Variants in WBP1 observed in about 807,000 individuals in gnomAD.
WBP1 encodes WW domain-binding protein 1.
WBP1 carries 18 observed loss-of-function variants against 25.6 expected under a neutral mutation model. The ratio of observed to expected loss-of-function variants is 0.70; its 90% confidence interval spans 0.49 to 1.04. The LOEUF (loss-of-function observed/expected upper bound fraction) is 1.04. WBP1 is among the 50% of genes least tolerant of loss of function. WBP1 has a pLI of 0.00. For synonymous variants in WBP1, 122 were observed against 137.7 expected (o/e 0.89, Z 0.80); for missense variants, 330 against 352.9 (o/e 0.94, Z 0.52).
intron 1 of WBP1, 32 bp from the exon 2 acceptor site, chr2:74,459,611 C>A: frequency 6.2e-7 from 1 of 1,606,222 alleles, no homozygotes; most frequent in Non-Finnish European, 8.5e-7. Context: ...GGCTGGAATC[C>A]CCCTTAGTTC....
rs376014615 is a variant in WBP1, at chr2:74,460,267, C to T, written c.396C>T (p.His132=). Residue 132 remains histidine (H), a synonymous_variant, in exon 4 of 4, where the codon CAC becomes CAT. Transcript: ENST00000233615. ...FKPPAYEDVV[H]RPGTPPPPYT... is the part of the protein sequence containing the mutation. ...CCCCAGCCTACGAGGATGTGGTTCA[C>T]CGCCCAGGCACACCACCCCCCCCTT... 5.0e-6 allele frequency: 8 copies of T among 1,613,780 alleles called. No homozygotes were observed. Among genetic ancestry groups the T allele is most frequent in the Non-Finnish European group, 6.8e-6 (8 of 1,179,748 alleles).
intron 1 of WBP1, 112 bp downstream of exon 1, chr2:74,458,783 A>C (rs1223653412): frequency 3.6e-5 from 55 of 1,520,332 alleles, no homozygotes; most frequent in Non-Finnish European, 4.9e-5. Context: ...GGTACTGTGA[A>C]GTTCCTAAAC....
rs1204968219 is a variant in WBP1 at position 74,458,580 on chromosome 2, C to T, written c.-23C>T. The stretch of plus-strand genomic sequence containing the variant: ...GCTGGCGGTAGAGGAGGCTGTGGTC[C>T]TCAGGGGGCTGTAGGTGGAGGTATG... On this transcript the variant is annotated 5_prime_UTR_variant, in exon 1 of 4. Coordinates refer to ENST00000233615, the MANE Select transcript of WBP1 (RefSeq NM_012477.4). The T allele has an allele frequency of 3.2e-6, 5 of 1,546,316 alleles. No homozygotes were observed. Among genetic ancestry groups the T allele is most frequent in the Non-Finnish European group, 3.5e-6 (4 of 1,143,058 alleles).
chr2:74,458,833 T>G, intron 1 of WBP1, 162 bp downstream of exon 1: 1 of 1,539,652 alleles, frequency 6.5e-7, no homozygotes, highest in Non-Finnish European at 8.8e-7. Context: ...GTAACGTAGA[T>G]GCAGCTGACT....
chr2:74,458,784 G>A, intron 1 of WBP1, 113 bp downstream of exon 1: 1 of 1,520,422 alleles, frequency 6.6e-7, no homozygotes, highest in Non-Finnish European at 8.9e-7. Flanking sequence ...GTACTGTGAA[G>A]TTCCTAAACA....
In WBP1 at chr2:74,458,459, G is replaced by A. The variant is rs1398724020; in HGVS notation, c.-144G>A. 3.4e-5 allele frequency: 49 copies of A among 1,454,184 alleles called. No homozygotes were observed. Among genetic ancestry groups the A allele is most frequent in the African/African-American group, 5.7e-5 (4 of 70,258 alleles). 90.1% of individuals were successfully genotyped at this position (1,454,184 alleles called of 1,614,324 possible). ...AGTCCTAGTTGGTGGAGTTCTGCCCGGATGGAAGCTCCGGCCGCGGAGTGA... is the reference window on the plus strand; with the variant it reads ...AGTCCTAGTTGGTGGAGTTCTGCCCAGATGGAAGCTCCGGCCGCGGAGTGA... On this transcript the variant is annotated 5_prime_UTR_variant, in exon 1 of 4. Coordinates refer to ENST00000233615, the MANE Select transcript of WBP1 (RefSeq NM_012477.4).
intron 3 of WBP1, 51 bp from the exon 4 acceptor site, chr2:74,460,170 A>G (rs1170393773): frequency 3.2e-6 from 5 of 1,569,120 alleles, no homozygotes; most frequent in Non-Finnish European, 3.5e-6. Flanking sequence ...AAAAACTAGC[A>G]CCCTATACCT....
At chr2:74,460,188 T>G in intron 3 of WBP1, 33 bp from the exon 4 acceptor site, 1 of 1,586,866 alleles carries the variant, frequency 6.3e-7, no homozygotes, top group South Asian at 1.1e-5. Flanking sequence ...CCTGGTTGTC[T>G]TCAACCAATC....
At chr2:74,458,812 G>C (rs982484782) in intron 1 of WBP1, 141 bp downstream of exon 1, 1 of 1,531,558 alleles carries the variant, frequency 6.5e-7, no homozygotes, top group Non-Finnish European at 8.8e-7. Context: ...TCCACTCTTT[G>C]TCTAAACTTT....
rs902788487 is a variant in WBP1, at chr2:74,458,666, C to T, written c.64C>T (p.Gln22Ter). Residue 22 changes from glutamine to a stop codon, truncating the protein, a stop_gained, in exon 1 of 4, where the codon CAG (glutamine) becomes TAG (stop). Transcript: ENST00000233615. LOFTEE classifies it high-confidence loss of function. ...CTGGGGGGCACTTCGGGCGCCGCAA[C>T]AGCAGGTATCCCAATAGCTCCAAAA... Reference protein sequence around the residue: ...EAWGALRAPQQQLRELCPGVN... With the variant: ...EAWGALRAPQ The T allele has an allele frequency of 1.9e-6, 3 of 1,573,334 alleles. No individual in the cohort carries two copies. The highest frequency in any genetic ancestry group is 1.7e-6 in the Non-Finnish European group (2 of 1,159,372).
At chr2:74,459,031 G>A in intron 1 of WBP1, 1 of 1,550,514 alleles carries the variant, frequency 6.4e-7, no homozygotes, top group Non-Finnish European at 8.7e-7. Context: ...GGAGCAATTT[G>A]GAGAAGAGCT....
Position 74,458,768 on chromosome 2 carries a change from C to G in WBP1, c.69+97C>G, listed in dbSNP as rs1292098956. The G allele has an allele frequency of 5.9e-6, 9 of 1,519,552 alleles. No homozygotes were observed. The Middle Eastern group carries it at 5.1e-4, about 86-fold the overall frequency. 94.1% of individuals were successfully genotyped at this position (1,519,552 alleles called of 1,614,324 possible). A position where few individuals can be genotyped will look rare whatever the true frequency, so the allele number is the denominator to read the frequency against. ...GGGGGTGGGGGAGGAACTCACGGAG[C>G]CAAAGGTACTGTGAAGTTCCTAAAC... On this transcript the variant is annotated intron_variant, in intron 1 of 3. Transcript: ENST00000233615.
chr2:74,458,940 CCTCT>C, intron 1 of WBP1: 1 of 1,550,856 alleles, frequency 6.4e-7, no homozygotes, highest in Non-Finnish European at 8.7e-7. Context: ...AGGGAGGCTC[CCTCT>C]GTCTTGCAAC....
rs564721270 is a variant in WBP1 at position 74,460,469 on chromosome 2, C to A, written c.598C>A (p.Pro200Thr). The A allele has an allele frequency of 5.5e-5, 88 of 1,613,448 alleles. No homozygotes were observed. In the South Asian group the frequency reaches 6.0e-4, roughly 11 times the overall value. Residue 200 changes from proline (P) to threonine (T), a missense_variant, in exon 4 of 4, where the codon CCC becomes ACC. By Grantham distance (38) the Pro-to-Thr change is conservative. Coordinates refer to ENST00000233615, the MANE Select transcript of WBP1 (RefSeq NM_012477.4). ...PGAGVTPAST[P>T]PSCRYRRLTG... ...GGCAGGGGTGACCCCTGCCTCCACA[C>A]CCCCCTCCTGCCGCTATCGCCGTTT...
chr2:74,459,410 A>G, intron 1 of WBP1: 1 of 626,898 alleles, frequency 1.6e-6, no homozygotes, highest in East Asian at 2.8e-5. Context: ...CCCTCTTTGT[A>G]TGTCCACACT....
At chr2:74,458,961 T>C in intron 1 of WBP1, 2 of 1,550,670 alleles carry the variant, frequency 1.3e-6, no homozygotes, top group South Asian at 1.2e-5. Flanking sequence ...CAACAGTTAT[T>C]TGTGATCTTT....
intron 1 of WBP1, chr2:74,459,277 C>T: frequency 1.3e-6 from 1 of 777,374 alleles, no homozygotes; most frequent in Non-Finnish European, 1.8e-6. Context: ...TTATCTCAGA[C>T]TGTCTTCTGG....
At chr2:74,459,122 C>G in intron 1 of WBP1, 1 of 1,541,610 alleles carries the variant, frequency 6.5e-7, no homozygotes. Flanking sequence ...CTCTGGGTCT[C>G]ACACTGCCCC....
rs915398896 is a variant in WBP1 at position 74,458,867 on chromosome 2, A to G, written c.69+196A>G. On this transcript the variant is annotated intron_variant, in intron 1 of 3. Transcript: ENST00000233615. ...CTTTGCCTGTAGCCTCATAGAACCC[A>G]TCCCATGGCTGCAGTGGAAGCTTGC... 5.2e-6 allele frequency: 8 copies of G among 1,550,346 alleles called. No individual in the cohort carries two copies. The East Asian group carries it at 1.7e-4, about 33-fold the overall frequency.
Sources: allele counts gnomAD v4.1 joint callset, GRCh38; gene constraint gnomAD v4.1.1; transcripts MANE v1.5; gene names NCBI Gene and HGNC (gene_info 2026-07-23, HGNC 2026-07-21).